Variants in PRKD3 observed in about 807,000 individuals in gnomAD.
PRKD3 encodes the protein serine/threonine-protein kinase D3.
A neutral mutation model predicts 99.2 loss-of-function variants in PRKD3; 47 were observed. The observed-to-expected ratio is 0.47, with a 90% CI of 0.38 to 0.60. The LOEUF (loss-of-function observed/expected upper bound fraction) is 0.60. PRKD3 is among the 20% of genes least tolerant of loss of function. The pLI is 0.00. For missense variants in PRKD3, 1,019 were observed against 1,088.4 expected, an observed-to-expected ratio of 0.94 and a Z score of 0.90; for synonymous variants, 392 against 355.4, an observed-to-expected ratio of 1.10 and a Z score of -1.16.
At chr2:37,277,760 A>G (rs1000560435) in intron 9 of PRKD3, 106 bp downstream of exon 9, 92 of 1,241,486 alleles carry the variant, frequency 7.4e-5, no homozygotes, top group East Asian at 4.5e-4. Flanking sequence ...TGTGGTGTAT[A>G]TAATGTCTTA....
intron 3 of PRKD3, among the ~76,000 whole-genome samples, chr2:37,291,507 A>G (rs779018902): frequency 9.9e-5 from 15 of 152,230 alleles, no homozygotes; most frequent in Non-Finnish European, 1.8e-4. Flanking sequence ...AGTAGACCCA[A>G]GGAACTTCCT....
chr2:37,254,220 C>CT lies in PRKD3; in HGVS notation c.2482dup (p.Ser828LysfsTer13). The stretch of plus-strand genomic sequence containing the variant: ...TTTTTTTACCTGTAGCCAGGGATGA[C>CT]TAAGAGATTTGTCAACACTGTAACG... On this transcript the variant is annotated frameshift_variant, in exon 18 of 19. Transcript: ENST00000234179. LOFTEE classifies it high-confidence loss of function. 4 of 1,611,234 alleles carry CT rather than the reference C, an allele frequency of 2.5e-6. No homozygotes were observed. Among genetic ancestry groups the CT allele is most frequent in the Non-Finnish European group, 3.4e-6 (4 of 1,177,458 alleles).
intron 5 of PRKD3, 54 bp from the exon 6 acceptor site, chr2:37,286,423 G>A: frequency 6.8e-7 from 1 of 1,465,068 alleles, no homozygotes; most frequent in East Asian, 2.3e-5. Context: ...ACAGAGTAGT[G>A]GGAGCAGAGC....
intron 9 of PRKD3, among the ~76,000 whole-genome samples, chr2:37,276,271 C>A (rs998173089): frequency 2.6e-5 from 4 of 152,024 alleles, no homozygotes; most frequent in African/African-American, 9.7e-5. Context: ...AAGATTTGAC[C>A]CAATTTATAG....
chr2:37,260,263 C>G lies in PRKD3; in HGVS notation c.2006G>C (p.Ser669Thr). 6.2e-7 allele frequency: 1 copy of G among 1,611,956 alleles called. No individual in the cohort carries two copies. The highest frequency in any genetic ancestry group is 1.1e-5 in the South Asian group (1 of 91,026). Residue 669 changes from serine (S) to threonine (T), a missense_variant, in exon 15 of 19, where the codon AGT (serine) becomes ACT (threonine). Around this residue, in one of 3 missense-constraint regions of PRKD3, gnomAD observed 184 missense variants for 275.1 expected, o/e 0.67. Transcript: ENST00000234179. Reference protein sequence around the residue: ...MLEMILSSEKSRLPERITKFM... With the variant: ...MLEMILSSEKTRLPERITKFM... ...TTTAGTAATTCGTTCTGGAAGCCGA[C>G]TTTTCTCACTGGATAGAATCATTTC... is the stretch of plus-strand genomic sequence containing the variant.
chr2:37,273,090 G>T (rs1389197026), intron 11 of PRKD3, among the ~76,000 whole-genome samples: 1 of 152,026 alleles, frequency 6.6e-6, no homozygotes, highest in African/African-American at 2.4e-5. Context: ...GTGGGGTTGG[G>T]GGACAAAGAG....
Position 37,316,969 on chromosome 2 carries a change from A to C in PRKD3, c.-445T>G, listed in dbSNP as rs1671694243. The stretch of plus-strand genomic sequence containing the variant: ...AACAGTAAGTGTTTTGGATTAATCT[A>C]TTCAGTACTTTTCCTTTGGTTTACT... On this transcript the variant is annotated 5_prime_UTR_variant, in exon 2 of 19. Coordinates refer to ENST00000234179, the MANE Select transcript of PRKD3 (RefSeq NM_005813.6). 1.0e-6 allele frequency: 1 copy of C among 990,450 alleles called. No individual in the cohort carries two copies. Among genetic ancestry groups the C allele is most frequent in the African/African-American group, 1.7e-5 (1 of 57,294 alleles). 61.4% of individuals were successfully genotyped at this position (990,450 alleles called of 1,614,324 possible).
intron 1 of PRKD3, among the ~76,000 whole-genome samples, chr2:37,318,807 A>T (rs751719342): frequency 3.3e-5 from 5 of 152,240 alleles, no homozygotes; most frequent in Admixed American, 6.5e-5. Flanking sequence ...TTGGAGAAAG[A>T]GCTCAAAAAG....
intron 7 of PRKD3, among the ~76,000 whole-genome samples, chr2:37,280,185 C>T (rs1669786872): frequency 6.6e-6 from 1 of 151,630 alleles, no homozygotes; most frequent in Admixed American, 6.6e-5. Context: ...GCTGGGATTA[C>T]AGGCGCCCAC....
intron 2 of PRKD3, among the ~76,000 whole-genome samples, chr2:37,294,781 T>C (rs1229893512): frequency 6.6e-6 from 1 of 152,166 alleles, no homozygotes; most frequent in African/African-American, 2.4e-5. Context: ...TCCATCCTCA[T>C]TAAAACTCTA....
chr2:37,318,934 G>A (rs1375716411), intron 1 of PRKD3, among the ~76,000 whole-genome samples: 1 of 152,148 alleles, frequency 6.6e-6, no homozygotes, highest in African/African-American at 2.4e-5. Context: ...CAAATGGTTT[G>A]TGAATAACTA....
intron 17 of PRKD3, among the ~76,000 whole-genome samples, chr2:37,254,826 T>C (rs1174582504): frequency 6.6e-6 from 1 of 152,324 alleles, no homozygotes; most frequent in East Asian, 1.9e-4. Flanking sequence ...ATTGAGGTGG[T>C]AGCTTAACTA....
At chr2:37,321,207 A>G (rs1480561310) in intron 1 of PRKD3, among the ~76,000 whole-genome samples, 2 of 152,148 alleles carry the variant, frequency 1.3e-5, no homozygotes, top group African/African-American at 2.4e-5. Flanking sequence ...AAATAATATC[A>G]TCTAGTTGGC....
chr2:37,272,459 T>G (rs1384015902), intron 11 of PRKD3, 27 bp from the exon 12 acceptor site: 1 of 1,588,608 alleles, frequency 6.3e-7, no homozygotes, highest in Non-Finnish European at 8.5e-7. Context: ...AGACAAAATT[T>G]AGTATATGAC....
At chr2:37,257,159 T>C (rs1220989567) in intron 16 of PRKD3, among the ~76,000 whole-genome samples, 1 of 152,174 alleles carries the variant, frequency 6.6e-6, no homozygotes, top group Non-Finnish European at 1.5e-5. Flanking sequence ...TAGTACATAT[T>C]TCAAAAGTTC....
Position 37,289,473 on chromosome 2 carries a change from A to T in PRKD3, c.600T>A (p.Ile200=). 6.2e-7 allele frequency: 1 copy of T among 1,613,714 alleles called. No individual in the cohort carries two copies. Among genetic ancestry groups the T allele is most frequent in the South Asian group, 1.1e-5 (1 of 91,074 alleles). Residue 200 remains isoleucine, a synonymous_variant, in exon 5 of 19, where the codon ATT becomes ATA. Transcript: ENST00000234179. ...LNYHKRCAFK[I]PNNCSGVRKR... ...TTCTTACTCCACTACAGTTATTTGG[A>T]ATCTTGAAGGCACATCGTTTATGGT...
rs1301555839 is a variant in PRKD3 at position 37,324,820 on chromosome 2, TG to T, written c.-796del. The T allele has an allele frequency of 2.7e-5, 4 of 149,732 alleles. No individual in the cohort carries two copies. Among genetic ancestry groups the T allele is most frequent in the Admixed American group, 2.6e-4 (4 of 15,100 alleles). The allele number at this position is 149,732 out of a possible 1,614,324, so 9.3% of individuals were successfully genotyped here. On this transcript the variant is annotated 5_prime_UTR_variant, in exon 1 of 19. Transcript: ENST00000234179. ...TCCTCCCTCCCTCCCCGTCCCGTCC[TG>T]GGGCCGGAGGGCGGGGGGCCGGGGC...
intron 18 of PRKD3, 94 bp downstream of exon 18, chr2:37,254,110 T>C (rs530537376): frequency 2.3e-6 from 2 of 886,286 alleles, no homozygotes; most frequent in African/African-American, 1.7e-5. Context: ...ACTTTTATTA[T>C]TCTGCTGATC....
chr2:37,290,510 A>G (rs1484518602), intron 4 of PRKD3, among the ~76,000 whole-genome samples: 1 of 152,260 alleles, frequency 6.6e-6, no homozygotes, highest in African/African-American at 2.4e-5. Context: ...CTAGGATTAC[A>G]GGTGTGAGCC....
Sources: gnomAD v4.1 joint callset for allele counts (sites outside exome capture counted in the v4.1 genomes callset) on GRCh38, gnomAD v4.1.1 for gene constraint, gnomAD v4.1.1 regional missense constraint, MANE v1.5 for transcripts, NCBI Gene and HGNC (gene_info 2026-07-23, HGNC 2026-07-21) for gene names.